The following ABCA13 variants were observed in gnomAD, a reference collection of about 807,000 sequenced individuals.
ABCA13 encodes the protein ATP binding cassette subfamily A member 13.
A neutral mutation model predicts 478.7 loss-of-function variants in ABCA13; 476 were observed. The observed-to-expected ratio is 0.99, with a 90% CI of 0.92 to 1.07. The LOEUF (loss-of-function observed/expected upper bound fraction) is 1.07, where lower values mean the gene tolerates loss of function less well. Ranked by LOEUF, ABCA13 falls within the 50% of genes least tolerant of loss-of-function variation. ABCA13 has a pLI of 0.00. For synonymous variants in ABCA13, 2,252 were observed against 2,158.9 expected, an observed-to-expected ratio of 1.04 and a Z score of -1.20; for missense variants, 6,060 against 5,910.6, an observed-to-expected ratio of 1.03 and a Z score of -0.83.
chr7:48,442,486 T>C (rs1042075880), intron 42 of ABCA13, among the ~76,000 whole-genome samples: 1 of 152,192 alleles, frequency 6.6e-6, no homozygotes, highest in Non-Finnish European at 1.5e-5. Context: ...TTTTTTAAAA[T>C]AATTTTAATA....
chr7:48,606,340 A>G (rs1791460567), intron 58 of ABCA13, among the ~76,000 whole-genome samples: 1 of 152,130 alleles, frequency 6.6e-6, no homozygotes, highest in African/African-American at 2.4e-5. Context: ...GTTTCACCCC[A>G]TCTTCATGGA....
intron 30 of ABCA13, among the ~76,000 whole-genome samples, chr7:48,351,238 T>C (rs1020627958): frequency 3.9e-5 from 6 of 152,240 alleles, no homozygotes; most frequent in African/African-American, 1.4e-4. Flanking sequence ...GAGCAGGCAA[T>C]GGCCAACTCT....
At chr7:48,197,453 G>T (rs911471417) in intron 2 of ABCA13, among the ~76,000 whole-genome samples, 4 of 152,182 alleles carry the variant, frequency 2.6e-5, no homozygotes, top group African/African-American at 9.7e-5. Context: ...GGGCTGACAA[G>T]TTTTCCAGGG....
intron 15 of ABCA13, among the ~76,000 whole-genome samples, chr7:48,259,720 G>GT (rs35263993): frequency 1.1e-4 from 16 of 150,062 alleles, no homozygotes; most frequent in South Asian, 1.1e-3. Flanking sequence ...ATACTTAAGT[G>GT]TTTTTTTTTT....
chr7:48,602,389 T>A (rs1175435809), intron 58 of ABCA13, among the ~76,000 whole-genome samples: 1 of 152,214 alleles, frequency 6.6e-6, no homozygotes, highest in Non-Finnish European at 1.5e-5. Flanking sequence ...CCATCTTGAG[T>A]TAATTTTCCT....
Position 48,272,469 on chromosome 7 carries a change from G to A in ABCA13, c.2803G>A (p.Glu935Lys), listed in dbSNP as rs1319422341. 1.2e-6 allele frequency: 2 copies of A among 1,613,662 alleles called. No homozygotes were observed. Among genetic ancestry groups the A allele is most frequent in the Non-Finnish European group, 1.7e-6 (2 of 1,179,736 alleles). The part of the protein sequence containing the change: ...NASDLFSALS[E>K]PQKQEVDKIL... ...ATCTGATCTTTTCTCAGCCCTTTCT[G>A]AACCACAAAAACAAGAAGTTGATAA... Residue 935 changes from glutamate (E) to lysine (K), a missense_variant, in exon 17 of 62, where the codon GAA (glutamate) becomes AAA (lysine). Glu to Lys is a moderately conservative substitution (Grantham distance 56). This residue lies in a region of ABCA13 where 4,423 missense variants were observed against 4,309.1 expected (regional missense o/e 1.03). Transcript: ENST00000435803.
intron 39 of ABCA13, among the ~76,000 whole-genome samples, chr7:48,409,924 A>G (rs7799724): frequency 9.1e-6 from 1 of 110,480 alleles, no homozygotes; most frequent in Non-Finnish European, 1.9e-5. Flanking sequence ...TACTAAAAAT[A>G]CCAAAAAAAA....
intron 23 of ABCA13, among the ~76,000 whole-genome samples, chr7:48,306,146 C>G (rs569941855): frequency 1.3e-5 from 2 of 152,138 alleles, no homozygotes; most frequent in Non-Finnish European, 2.9e-5. Context: ...GGAGAGGGAG[C>G]AAATGTGCTG....
chr7:48,334,889 G>A (rs1806000094), intron 27 of ABCA13, among the ~76,000 whole-genome samples: 2 of 152,152 alleles, frequency 1.3e-5, no homozygotes, highest in South Asian at 2.1e-4. Context: ...ATTTCCTTAG[G>A]ATAGAGTCCT....
At chr7:48,548,163 T>G (rs1243840497) in intron 55 of ABCA13, among the ~76,000 whole-genome samples, 1 of 151,942 alleles carries the variant, frequency 6.6e-6, no homozygotes, top group Non-Finnish European at 1.5e-5. Flanking sequence ...TATTTTCATT[T>G]GTTAGTTTTC....
In ABCA13 at chr7:48,481,149, A is replaced by G. The variant is rs1459154654; in HGVS notation, c.13089A>G (p.Lys4363=). 1.9e-6 allele frequency: 3 copies of G among 1,577,056 alleles called. No homozygotes were observed. Among genetic ancestry groups the G allele is most frequent in the South Asian group, 2.3e-5 (2 of 85,776 alleles). The change falls in exon 46 of 62, where the codon AAA becomes AAG. Residue 4363 remains lysine (K), a synonymous_variant. Transcript: ENST00000435803. The part of the protein sequence containing the change: ...MEEYLLAPSE[K]PRLGGWSFGL... Reference sequence around the variant, plus strand: ...AGTACTTGCTGGCACCATCTGAAAAACCAAGGTGTGTTCAATACTCTTGTT... The same window carrying G: ...AGTACTTGCTGGCACCATCTGAAAAGCCAAGGTGTGTTCAATACTCTTGTT...
At chr7:48,513,630 C>T (rs1244563532) in intron 51 of ABCA13, among the ~76,000 whole-genome samples, 1 of 152,066 alleles carries the variant, frequency 6.6e-6, no homozygotes, top group Non-Finnish European at 1.5e-5. Context: ...GCCATAAATT[C>T]CATGATGTTG....
At chr7:48,442,435 T>A (rs1007119064) in intron 42 of ABCA13, among the ~76,000 whole-genome samples, 18 of 152,204 alleles carry the variant, frequency 1.2e-4, no homozygotes, top group Non-Finnish European at 2.4e-4. Flanking sequence ...TTATCCTCTT[T>A]CTTATGGTTA....
At chr7:48,340,221 C>G (rs545387200) in intron 29 of ABCA13, among the ~76,000 whole-genome samples, 2 of 152,184 alleles carry the variant, frequency 1.3e-5, no homozygotes, top group African/African-American at 4.8e-5. Flanking sequence ...ATTCTCCTGT[C>G]CCACCCTCCT....
At chr7:48,288,169 C>T (rs1159679427) in intron 20 of ABCA13, 91 bp downstream of exon 20, 2 of 1,134,048 alleles carry the variant, frequency 1.8e-6, no homozygotes, top group East Asian at 2.4e-5. Context: ...CTGCTTCGTT[C>T]TTATAACTAC....
intron 59 of ABCA13, among the ~76,000 whole-genome samples, chr7:48,633,739 A>G (rs1041999980): frequency 6.6e-6 from 1 of 151,612 alleles, no homozygotes; most frequent in African/African-American, 2.4e-5. Flanking sequence ...AAATACAAAA[A>G]TTAGCTAGGT....
chr7:48,508,615 G>A (rs1188584094), intron 50 of ABCA13, among the ~76,000 whole-genome samples: 1 of 152,148 alleles, frequency 6.6e-6, no homozygotes, highest in African/African-American at 2.4e-5. Flanking sequence ...TATATGATAA[G>A]TTGTTCTTAG....
At chr7:48,288,394 A>T (rs1798058257) in intron 20 of ABCA13, among the ~76,000 whole-genome samples, 1 of 152,356 alleles carries the variant, frequency 6.6e-6, no homozygotes, top group Non-Finnish European at 1.5e-5. Context: ...GAAATAAATC[A>T]TGTTAGAAAC....
intron 47 of ABCA13, among the ~76,000 whole-genome samples, chr7:48,485,158 A>G (rs1829165138): frequency 6.6e-6 from 1 of 151,972 alleles, no homozygotes; most frequent in Non-Finnish European, 1.5e-5. Flanking sequence ...AGCCAAACAC[A>G]TTTTCACTTT....
Sources: allele counts gnomAD v4.1 joint callset (sites outside exome capture counted in the v4.1 genomes callset), GRCh38; gene constraint gnomAD v4.1.1; regional missense constraint gnomAD v4.1.1; transcripts MANE v1.5; gene names NCBI Gene and HGNC (gene_info 2026-07-23, HGNC 2026-07-21).